Variants in EGFL6 observed in about 807,000 individuals in gnomAD.
The protein encoded by EGFL6 is EGF like domain multiple 6.
A neutral mutation model predicts 43.1 loss-of-function variants in EGFL6; 42 were observed. The observed-to-expected ratio is 0.98, with a 90% CI of 0.76 to 1.26. The LOEUF (loss-of-function observed/expected upper bound fraction) is 1.26, where lower values mean the gene tolerates loss of function less well. EGFL6 is among the 50% of genes most tolerant of loss of function. The pLI is 0.00. For missense variants in EGFL6, 429 were observed against 427.8 expected (o/e 1.00, Z -0.02); for synonymous variants, 164 against 163.2 (o/e 1.01, Z -0.04).
intron 5 of EGFL6, among the ~76,000 whole-genome samples, chrX:13,604,559 G>A (rs1328947034): frequency 8.9e-6 from 1 of 111,868 alleles, no homozygotes; most frequent in African/African-American, 3.3e-5. Context: ...GTGCTGAGGA[G>A]CTATGGATGG....
At chrX:13,575,237 C>A (rs1250874889) in intron 1 of EGFL6, among the ~76,000 whole-genome samples, 1 of 111,861 alleles carries the variant, frequency 8.9e-6, no homozygotes, top group Non-Finnish European at 1.9e-5. Context: ...TTGAGACCAG[C>A]CTGACCAACA....
chrX:13,624,466 TC>T (rs1294890703), intron 10 of EGFL6, among the ~76,000 whole-genome samples: 5 of 111,381 alleles, frequency 4.5e-5, no homozygotes, highest in Non-Finnish European at 9.4e-5. Flanking sequence ...CTTGAGGATT[TC>T]TTTCGAGCCA....
At chrX:13,571,762 T>A (rs920785399) in intron 1 of EGFL6, among the ~76,000 whole-genome samples, 9 of 112,246 alleles carry the variant, frequency 8.0e-5, no homozygotes, top group African/African-American at 2.9e-4. Flanking sequence ...TATTATTTGC[T>A]CAATGTGCTT....
intron 1 of EGFL6, among the ~76,000 whole-genome samples, chrX:13,578,053 C>T (rs1160124663): frequency 1.8e-5 from 2 of 112,245 alleles, no homozygotes; most frequent in Non-Finnish European, 3.8e-5. Flanking sequence ...TCTATGATAT[C>T]TCAGATTTAA....
intron 1 of EGFL6, among the ~76,000 whole-genome samples, chrX:13,579,823 C>T (rs1317581190): frequency 4.5e-5 from 5 of 110,716 alleles, no homozygotes; most frequent in Non-Finnish European, 7.5e-5. Context: ...TCCAAGACGG[C>T]GTACTCACAT....
intron 11 of EGFL6, among the ~76,000 whole-genome samples, chrX:13,630,535 C>T (rs2045805121): frequency 9.0e-6 from 1 of 111,667 alleles, no homozygotes; most frequent in Admixed American, 9.5e-5. Flanking sequence ...GCAAAAGGAA[C>T]ATCTTTCTGA....
At chrX:13,578,748 G>A (rs1330505674) in intron 1 of EGFL6, among the ~76,000 whole-genome samples, 2 of 108,773 alleles carry the variant, frequency 1.8e-5, no homozygotes, top group Non-Finnish European at 3.8e-5. Context: ...TTGGACACAG[G>A]AAGGGGAACA....
intron 2 of EGFL6, among the ~76,000 whole-genome samples, chrX:13,591,259 G>A (rs746017166): frequency 1.8e-5 from 2 of 111,661 alleles, no homozygotes; most frequent in Admixed American, 9.5e-5. Flanking sequence ...CAAAAACCAC[G>A]TGAAACACAT....
chrX:13,586,842 A>ATGAG (rs1431158480), intron 1 of EGFL6, among the ~76,000 whole-genome samples: 3 of 112,559 alleles, frequency 2.7e-5, no homozygotes, highest in African/African-American at 9.7e-5. Context: ...CTATCAACTG[A>ATGAG]TGAGTGGATA....
rs758544813 is a variant in EGFL6, at chrX:13,585,740, A to G, written c.75-3816A>G. Among the ~76,000 whole-genome samples the G allele has an allele frequency of 3.1e-5, 3 of 96,707 alleles. No homozygotes were observed. The South Asian group carries it at 1.5e-3, about 49-fold the overall frequency. 84.0% of individuals were successfully genotyped at this position (96,707 alleles called of 115,157 possible). On this transcript the variant is annotated intron_variant, in intron 1 of 11. Transcript: ENST00000361306. Reference sequence around the variant, plus strand: ...ATAAAAATATGAAATTAAAATTCCAAAGGCAGAATTTCCCCCATACAGCTT... The same window carrying G: ...ATAAAAATATGAAATTAAAATTCCAGAGGCAGAATTTCCCCCATACAGCTT...
rs778773305 is a variant in EGFL6 at position 13,594,740 on chromosome X, G to A, written c.188-96G>A. On this transcript the variant is annotated intron_variant, in intron 2 of 11. Coordinates refer to ENST00000361306, the MANE Select transcript of EGFL6 (RefSeq NM_015507.4). Reference sequence around the variant, plus strand: ...AGATTGTCCTCTGTATGTCCCCATGGAGTTCTCTGCCACACAGAACGCAGC... The same window carrying A: ...AGATTGTCCTCTGTATGTCCCCATGAAGTTCTCTGCCACACAGAACGCAGC... The A allele has an allele frequency of 3.0e-4, 211 of 696,463 alleles. No individual in the cohort carries two copies. In the African/African-American group the frequency reaches 4.1e-3, roughly 13 times the overall value. The allele number at this position is 696,463 out of a possible 1,213,427, so 57.4% of individuals were successfully genotyped here.
intron 1 of EGFL6, among the ~76,000 whole-genome samples, chrX:13,580,920 T>C (rs1230385561): frequency 8.9e-6 from 1 of 112,210 alleles, no homozygotes; most frequent in Non-Finnish European, 1.9e-5. Flanking sequence ...AATGAATGAA[T>C]GAGAGGGAGA....
chrX:13,625,450 G>A (rs372137699), intron 10 of EGFL6, among the ~76,000 whole-genome samples: 36 of 110,780 alleles, frequency 3.2e-4, no homozygotes, highest in African/African-American at 1.1e-3. Flanking sequence ...TTGGGAAGCC[G>A]AGGCAGGTGG....
intron 1 of EGFL6, among the ~76,000 whole-genome samples, chrX:13,579,972 C>CT (rs1442623912): frequency 9.0e-6 from 1 of 111,174 alleles, no homozygotes; most frequent in Non-Finnish European, 1.9e-5. Flanking sequence ...ACAATGCCTT[C>CT]TGTGTCCTAA....
intron 3 of EGFL6, among the ~76,000 whole-genome samples, chrX:13,598,811 CAT>C (rs1433308533): frequency 1.9e-5 from 2 of 103,062 alleles, no homozygotes; most frequent in African/African-American, 7.0e-5. Context: ...ATATAATTCA[CAT>C]ATATATAATT....
intron 7 of EGFL6, among the ~76,000 whole-genome samples, chrX:13,614,775 TCTCA>T (rs2045709852): frequency 1.9e-5 from 2 of 105,325 alleles, no homozygotes; most frequent in African/African-American, 7.0e-5. Flanking sequence ...TGACATGGAG[TCTCA>T]CTCTGTTGCC....
chrX:13,589,026 G>A (rs189361577), intron 1 of EGFL6, among the ~76,000 whole-genome samples: 8 of 112,240 alleles, frequency 7.1e-5, no homozygotes, highest in Non-Finnish European at 1.1e-4. Flanking sequence ...CAGCTCTGCT[G>A]GGGATGTGAC....
Position 13,627,093 on chromosome X carries a change from G to A in EGFL6, c.1368G>A (p.Leu456=). The A allele has an allele frequency of 8.3e-7, 1 of 1,212,096 alleles. No individual in the cohort carries two copies. The highest frequency in any genetic ancestry group is 1.7e-5 in the African/African-American group (1 of 57,893). Residue 456 remains leucine (L), a synonymous_variant, in exon 11 of 12, where the codon CTG becomes CTA. Coordinates refer to ENST00000361306, the MANE Select transcript of EGFL6 (RefSeq NM_015507.4). ...GATTGAAACTTCTCCTACCTGACCT[G>A]CAACCCCAAAGCAACTTCTGTTTGC... ...IGRLKLLLPD[L]QPQSNFCLLF... is the part of the protein sequence containing the mutation.
At chrX:13,579,544 C>T (rs2045493701) in intron 1 of EGFL6, among the ~76,000 whole-genome samples, 1 of 111,579 alleles carries the variant, frequency 9.0e-6, no homozygotes, top group South Asian at 3.8e-4. Context: ...GTGAATAGTG[C>T]TGCAATGAAC....
Sources: allele counts gnomAD v4.1 joint callset (sites outside exome capture counted in the v4.1 genomes callset), GRCh38; gene constraint gnomAD v4.1.1; transcripts MANE v1.5; gene names NCBI Gene and HGNC (gene_info 2026-07-23, HGNC 2026-07-21).